Variants in ACADSB observed in about 807,000 individuals in gnomAD.
The protein encoded by ACADSB is acyl-CoA dehydrogenase short/branched chain, also known as short/branched chain specific acyl-CoA dehydrogenase, mitochondrial.
Under a neutral mutation model 54.1 loss-of-function variants are expected in ACADSB, and 40 were observed. That is an observed-to-expected ratio of 0.74 (90% confidence interval 0.57 to 0.96). The LOEUF is 0.96. Ranked by LOEUF, ACADSB falls within the 40% of genes least tolerant of loss-of-function variation. The pLI is 0.00. For missense variants in ACADSB, 530 were observed against 510.4 expected, an observed-to-expected ratio of 1.04 and a Z score of -0.37; for synonymous variants, 182 against 182.8, an observed-to-expected ratio of 1.00 and a Z score of 0.03.
At chr10:123,034,618 A>G in intron 2 of ACADSB, 103 bp downstream of exon 2, 2 of 1,290,608 alleles carry the variant, frequency 1.5e-6, no homozygotes, top group Admixed American at 1.7e-5. Flanking sequence ...GGCTCAAGCT[A>G]TCCTGCTTCA....
chr10:123,042,212 T>G (rs1850484517), intron 5 of ACADSB, among the ~76,000 whole-genome samples: 1 of 151,960 alleles, frequency 6.6e-6, no homozygotes, highest in Admixed American at 6.6e-5. Context: ...ATGATCTGCC[T>G]GCCTCGGCCT....
At chr10:123,009,729 C>A (rs573063598) in intron 1 of ACADSB, among the ~76,000 whole-genome samples, 3 of 152,354 alleles carry the variant, frequency 2.0e-5, no homozygotes, top group Admixed American at 6.5e-5. Context: ...TAAGCTGAAA[C>A]CAGCCTCTTG....
intron 1 of ACADSB, among the ~76,000 whole-genome samples, chr10:123,014,446 C>T (rs952809366): frequency 8.5e-5 from 13 of 152,212 alleles, no homozygotes; most frequent in Admixed American, 4.6e-4. Context: ...GTGATCCTCC[C>T]GCCTTGGCCT....
intron 7 of ACADSB, among the ~76,000 whole-genome samples, chr10:123,045,855 C>G (rs191813262): frequency 1.3e-5 from 2 of 152,002 alleles, no homozygotes; most frequent in Non-Finnish European, 2.9e-5. Flanking sequence ...TATATAATAA[C>G]CTAATTAAAA....
chr10:123,029,855 T>C (rs1194910746), intron 1 of ACADSB, among the ~76,000 whole-genome samples: 1 of 152,208 alleles, frequency 6.6e-6, no homozygotes, highest in Non-Finnish European at 1.5e-5. Flanking sequence ...CAGAATACCA[T>C]AGACTGGGTG....
In ACADSB at chr10:123,054,154, G is replaced by A. The variant is rs1850673722; in HGVS notation, c.*389G>A. On this transcript the variant is annotated 3_prime_UTR_variant, in exon 11 of 11. Coordinates refer to ENST00000358776, the MANE Select transcript of ACADSB (RefSeq NM_001609.4). Reference sequence around the variant, plus strand: ...TGATTCTCATGCCTCATCCTCCCAAGTAGCTGGAACTACAGGTGTGCACCA... The same window carrying A: ...TGATTCTCATGCCTCATCCTCCCAAATAGCTGGAACTACAGGTGTGCACCA... 4.2e-6 allele frequency: 1 copy of A among 239,740 alleles called. No homozygotes were observed. The highest frequency in any genetic ancestry group is 2.2e-5 in the African/African-American group (1 of 44,548). 14.9% of individuals were successfully genotyped at this position (239,740 alleles called of 1,614,324 possible). A position where few individuals can be genotyped will look rare whatever the true frequency, so the allele number is the denominator to read the frequency against.
At chr10:123,046,655 A>G (rs1850563831) in intron 7 of ACADSB, among the ~76,000 whole-genome samples, 1 of 152,242 alleles carries the variant, frequency 6.6e-6, no homozygotes, top group Non-Finnish European at 1.5e-5. Flanking sequence ...AGATTCCCCA[A>G]ATGATTCTAT....
At chr10:123,024,762 G>A (rs1434334998) in intron 1 of ACADSB, among the ~76,000 whole-genome samples, 2 of 152,236 alleles carry the variant, frequency 1.3e-5, no homozygotes, top group Non-Finnish European at 2.9e-5. Flanking sequence ...CTGGGCCCAA[G>A]CAGGCAGCTC....
intron 1 of ACADSB, among the ~76,000 whole-genome samples, chr10:123,016,345 G>A (rs1318757534): frequency 2.0e-5 from 3 of 152,316 alleles, no homozygotes; most frequent in Admixed American, 1.3e-4. Context: ...GTGACAAATC[G>A]GAAGTGAGGT....
chr10:123,028,535 C>T (rs1306947955), intron 1 of ACADSB, among the ~76,000 whole-genome samples: 1 of 152,000 alleles, frequency 6.6e-6, no homozygotes, highest in Non-Finnish European at 1.5e-5. Context: ...TGGTGTCGCA[C>T]ACCTGGAGTC....
In ACADSB at chr10:123,041,210, T is replaced by G. The variant is rs1343737959; in HGVS notation, c.512T>G (p.Val171Gly). 2.5e-6 allele frequency: 4 copies of G among 1,614,134 alleles called. No homozygotes were observed. Among genetic ancestry groups the G allele is most frequent in the Non-Finnish European group, 3.4e-6 (4 of 1,179,994 alleles). ...TYLPQLTTEK[V>G]GSFCLSEAGA... ...GACATTTTTTTCTCCCATATGTAGG[T>G]AGGAAGTTTCTGCCTTTCAGAGGCT... Residue 171 changes from valine to glycine, a missense_variant and splice_region_variant, in exon 5 of 11, where the codon GTA becomes GGA. Transcript: ENST00000358776.
chr10:123,053,279 G>A, intron 10 of ACADSB, 119 bp downstream of exon 10: 3 of 769,624 alleles, frequency 3.9e-6, no homozygotes, highest in Non-Finnish European at 2.1e-6. Flanking sequence ...TTCAGTATAT[G>A]TTTGGTGGCT....
At chr10:123,039,163 T>G (rs1850439225) in intron 3 of ACADSB, among the ~76,000 whole-genome samples, 1 of 152,238 alleles carries the variant, frequency 6.6e-6, no homozygotes, top group Non-Finnish European at 1.5e-5. Context: ...AAGCAATGTC[T>G]CTGATATCTG....
intron 8 of ACADSB, among the ~76,000 whole-genome samples, chr10:123,047,882 A>G (rs1850580183): frequency 6.6e-6 from 1 of 152,164 alleles, no homozygotes; most frequent in South Asian, 2.1e-4. Context: ...TTGCTGCATT[A>G]AATACAAATG....
chr10:123,044,918 A>T (rs981843496), intron 7 of ACADSB, among the ~76,000 whole-genome samples: 8 of 151,792 alleles, frequency 5.3e-5, no homozygotes, highest in African/African-American at 1.5e-4. Context: ...ACTGTTTTGC[A>T]TGTGAAAACT....
chr10:123,034,645 G>C, intron 2 of ACADSB, 130 bp downstream of exon 2: 1 of 959,886 alleles, frequency 1.0e-6, no homozygotes, highest in South Asian at 1.4e-5. Context: ...TGAATAGCTG[G>C]AAAAATATCA....
intron 4 of ACADSB, 101 bp from the exon 5 acceptor site, chr10:123,041,108 G>A: frequency 3.8e-6 from 5 of 1,300,152 alleles, no homozygotes; most frequent in Non-Finnish European, 5.5e-6. Context: ...TAAAAAAGCA[G>A]CTAAAGATTT....
rs574895675 is a variant in ACADSB at position 123,053,849 on chromosome 10, G to A, written c.*84G>A. 190 of 1,231,252 alleles carry A rather than the reference G, an allele frequency of 1.5e-4. No homozygotes were observed. Among genetic ancestry groups the A allele is most frequent in the Non-Finnish European group, 2.1e-4 (172 of 833,450 alleles). 76.3% of individuals were successfully genotyped at this position (1,231,252 alleles called of 1,614,324 possible). Reference sequence around the variant, plus strand: ...GTCTTGTTGGGAGTAAGTGCCTTGCGTGGGAATAAACTTCCACAGCATTCG... The same window carrying A: ...GTCTTGTTGGGAGTAAGTGCCTTGCATGGGAATAAACTTCCACAGCATTCG... On this transcript the variant is annotated 3_prime_UTR_variant, in exon 11 of 11. Coordinates refer to ENST00000358776, the MANE Select transcript of ACADSB (RefSeq NM_001609.4).
Position 123,052,811 on chromosome 10 carries a change from T to C in ACADSB, c.1129-250T>C, listed in dbSNP as rs1850649211. ...AAACATTTCCTGAATAAATGATATC[T>C]CTCAGCATGCAGATTCATGTGAACA... On this transcript the variant is annotated intron_variant, in intron 9 of 10. Coordinates refer to ENST00000358776, the MANE Select transcript of ACADSB (RefSeq NM_001609.4). This position sits in a 1 kb window ranked among gnomAD's most constrained non-coding sequence, Gnocchi z 4.2. 1 of 505,038 alleles carries C rather than the reference T, an allele frequency of 2.0e-6. No homozygotes were observed. Among genetic ancestry groups the C allele is most frequent in the Non-Finnish European group, 3.6e-6 (1 of 276,720 alleles). The allele number at this position is 505,038 out of a possible 1,614,324, so 31.3% of individuals were successfully genotyped here. A position where few individuals can be genotyped will look rare whatever the true frequency, so the allele number is the denominator to read the frequency against.
Sources: allele counts gnomAD v4.1 joint callset (sites outside exome capture counted in the v4.1 genomes callset), GRCh38; gene constraint gnomAD v4.1.1; non-coding constraint Gnocchi (gnomAD v3.1); transcripts MANE v1.5; gene names NCBI Gene and HGNC (gene_info 2026-07-23, HGNC 2026-07-21).